DOCK3: variants seen among roughly 807,000 people sequenced by gnomAD.
DOCK3 encodes the protein dedicator of cytokinesis 3, also known as dedicator of cytokinesis protein 3.
A neutral mutation model predicts 265.6 loss-of-function variants in DOCK3; 60 were observed. That is an observed-to-expected ratio of 0.23 (90% CI 0.18 to 0.28). The LOEUF is 0.28. Ranked by LOEUF, DOCK3 falls within the 10% of genes least tolerant of loss-of-function variation. DOCK3 has a pLI of 1.00. For missense variants in DOCK3, 1,981 were observed against 2,594.3 expected, an observed-to-expected ratio of 0.76 and a Z score of 5.14; for synonymous variants, 881 against 938.0, an observed-to-expected ratio of 0.94 and a Z score of 1.11.
intron 1 of DOCK3, among the ~76,000 whole-genome samples, chr3:50,712,054 T>C (rs1215295782): frequency 6.6e-6 from 1 of 152,184 alleles, no homozygotes; most frequent in Non-Finnish European, 1.5e-5. Flanking sequence ...TTTAAGTCTT[T>C]TAAAAAAAAT....
chr3:50,950,302 G>C (rs575760289), intron 5 of DOCK3, among the ~76,000 whole-genome samples: 6 of 151,950 alleles, frequency 3.9e-5, no homozygotes, highest in East Asian at 1.9e-4. Flanking sequence ...TTGTTCACTT[G>C]TTTTAGTTTT....
intron 2 of DOCK3, among the ~76,000 whole-genome samples, chr3:50,830,430 A>G (rs774822531): frequency 6.6e-6 from 1 of 152,240 alleles, no homozygotes; most frequent in Admixed American, 6.5e-5. Flanking sequence ...TATTGGGTAT[A>G]AATAAATTTT....
chr3:51,333,096 A>T (rs1023686180), intron 34 of DOCK3, 62 bp from the exon 35 acceptor site: 31 of 1,613,168 alleles, frequency 1.9e-5, no homozygotes, highest in Non-Finnish European at 2.5e-5. Flanking sequence ...CTTGGACTTC[A>T]CTCTTGTGCC....
intron 12 of DOCK3, 141 bp downstream of exon 12, chr3:51,160,843 A>T: frequency 9.9e-7 from 1 of 1,014,514 alleles, no homozygotes; most frequent in Non-Finnish European, 1.4e-6. Flanking sequence ...TTGGGAGGCC[A>T]AGGTGGGCAA....
chr3:51,260,909 G>A (rs2079814945), intron 23 of DOCK3, among the ~76,000 whole-genome samples: 2 of 152,014 alleles, frequency 1.3e-5, no homozygotes, highest in Admixed American at 1.3e-4. Flanking sequence ...GCTTGAACCC[G>A]GGAGGCAGAG....
At chr3:51,110,657 C>G (rs1163809253) in intron 9 of DOCK3, among the ~76,000 whole-genome samples, 1 of 152,164 alleles carries the variant, frequency 6.6e-6, no homozygotes, top group Non-Finnish European at 1.5e-5. Flanking sequence ...TAAAAACTCT[C>G]AATGAACTAG....
chr3:50,919,428 G>A (rs911289133), intron 4 of DOCK3, among the ~76,000 whole-genome samples: 18 of 152,036 alleles, frequency 1.2e-4, no homozygotes, highest in Non-Finnish European at 1.8e-4. Context: ...CTTTTATTTC[G>A]TTGAGCAGTG....
intron 14 of DOCK3, among the ~76,000 whole-genome samples, chr3:51,217,383 C>T (rs1444619618): frequency 2.0e-5 from 3 of 152,226 alleles, no homozygotes; most frequent in Non-Finnish European, 4.4e-5. Flanking sequence ...CATGACTACA[C>T]AGCCATTCAG....
intron 12 of DOCK3, among the ~76,000 whole-genome samples, chr3:51,166,371 C>T (rs1031013537): frequency 8.5e-5 from 13 of 152,086 alleles, no homozygotes; most frequent in African/African-American, 1.4e-4. Flanking sequence ...CTTTATTATT[C>T]ATCTGTTGAT....
At chr3:51,216,193 G>A (rs2108247202) in intron 14 of DOCK3, among the ~76,000 whole-genome samples, 1 of 152,274 alleles carries the variant, frequency 6.6e-6, no homozygotes, top group African/African-American at 2.4e-5. Context: ...AAAACCAAGT[G>A]ATCAGAGACT....
intron 12 of DOCK3, among the ~76,000 whole-genome samples, chr3:51,183,674 A>C (rs2087429479): frequency 6.6e-6 from 1 of 152,196 alleles, no homozygotes; most frequent in Non-Finnish European, 1.5e-5. Context: ...ATAAAATAGA[A>C]GTAAAAATAA....
In DOCK3 at chr3:50,890,088, A is replaced by C. The variant is rs948387201; in HGVS notation, c.218+7A>C. On this transcript the variant is annotated splice_region_variant and intron_variant, in intron 4 of 52. Transcript: ENST00000266037. ...CAATTGTCAGTAATAGGGGGTGAGTAATTGGCCTTACTAAATTTATGTACA... is the reference window on the plus strand; with the variant it reads ...CAATTGTCAGTAATAGGGGGTGAGTCATTGGCCTTACTAAATTTATGTACA... 73 of 1,428,766 alleles carry C rather than the reference A, an allele frequency of 5.1e-5. No individual in the cohort carries two copies. The East Asian group carries it at 2.1e-3, about 42-fold the overall frequency. The allele number at this position is 1,428,766 out of a possible 1,614,324, so 88.5% of individuals were successfully genotyped here. A position where few individuals can be genotyped will look rare whatever the true frequency, so the allele number is the denominator to read the frequency against.
chr3:51,021,720 G>T (rs1251221067), intron 5 of DOCK3, among the ~76,000 whole-genome samples: 2 of 150,422 alleles, frequency 1.3e-5, no homozygotes, highest in Non-Finnish European at 2.9e-5. Context: ...GGAGCGCAAT[G>T]GTGCGATCTC....
At chr3:51,172,274 C>T (rs144379064) in intron 12 of DOCK3, among the ~76,000 whole-genome samples, 7 of 152,120 alleles carry the variant, frequency 4.6e-5, no homozygotes, top group African/African-American at 1.7e-4. Context: ...CTCCCGGGTT[C>T]CAGCAATTAT....
Position 51,348,867 on chromosome 3 carries a change from A to T in DOCK3, c.3931A>T (p.Ile1311Phe), listed in dbSNP as rs1404666092. Reference sequence around the variant, plus strand: ...TCTGACACAGAGCTGGGAGTTTGGGATCCCACTGTGCAGGGAGCTGGCGTG... The same window carrying T: ...TCTGACACAGAGCTGGGAGTTTGGGTTCCCACTGTGCAGGGAGCTGGCGTG... Reference protein sequence around the residue: ...FNKGKSWEFGIPLCRELACQY... With the variant: ...FNKGKSWEFGFPLCRELACQY... The change falls in exon 39 of 53, where the codon ATC (isoleucine) becomes TTC (phenylalanine). Residue 1311 changes from isoleucine to phenylalanine, a missense_variant. Physicochemically the swap from Ile to Phe is conservative, Grantham distance 21. Transcript: ENST00000266037. 1 of 1,581,746 alleles carries T rather than the reference A, an allele frequency of 6.3e-7. No individual in the cohort carries two copies. The highest frequency in any genetic ancestry group is 1.2e-5 in the South Asian group (1 of 86,122).
intron 39 of DOCK3, among the ~76,000 whole-genome samples, chr3:51,349,504 C>T (rs1215611856): frequency 6.6e-6 from 1 of 152,194 alleles, no homozygotes; most frequent in Non-Finnish European, 1.5e-5. Context: ...GCACCCTCAT[C>T]TTTGTGGCTA....
intron 5 of DOCK3, among the ~76,000 whole-genome samples, chr3:50,948,910 T>C (rs936807843): frequency 1.3e-5 from 2 of 152,338 alleles, no homozygotes; most frequent in Non-Finnish European, 2.9e-5. Context: ...ATTAAAAGGA[T>C]GGACATATAG....
intron 1 of DOCK3, among the ~76,000 whole-genome samples, chr3:50,742,341 A>G (rs898979922): frequency 1.9e-4 from 29 of 152,254 alleles, no homozygotes; most frequent in Non-Finnish European, 2.9e-4. Flanking sequence ...ACAAAGCTGG[A>G]CGGAGAGTGA....
intron 2 of DOCK3, among the ~76,000 whole-genome samples, chr3:50,797,202 G>A (rs2042837729): frequency 6.6e-6 from 1 of 152,164 alleles, no homozygotes; most frequent in South Asian, 2.1e-4. Flanking sequence ...CTGGGGGGAG[G>A]TTGGGGGCTT....
Sources: gnomAD v4.1 joint callset for allele counts (sites outside exome capture counted in the v4.1 genomes callset) on GRCh38, gnomAD v4.1.1 for gene constraint, MANE v1.5 for transcripts, NCBI Gene and HGNC (gene_info 2026-07-23, HGNC 2026-07-21) for gene names.